KMT2E: variants seen among roughly 807,000 people sequenced by gnomAD.
KMT2E encodes the protein histone reader KMT2E.
A neutral mutation model predicts 184.6 loss-of-function variants in KMT2E; 30 were observed. The observed-to-expected ratio is 0.16, with a 90% confidence interval of 0.12 to 0.22. The LOEUF (loss-of-function observed/expected upper bound fraction) is 0.22. KMT2E is among the 10% of genes least tolerant of loss of function. KMT2E has a pLI of 1.00. For synonymous variants in KMT2E, 815 were observed against 776.5 expected, an observed-to-expected ratio of 1.05 and a Z score of -0.82; for missense variants, 2,023 against 2,237.4, an observed-to-expected ratio of 0.90 and a Z score of 1.93.
intron 3 of KMT2E, among the ~76,000 whole-genome samples, chr7:105,048,916 T>G (rs944427600): frequency 2.6e-5 from 4 of 152,230 alleles, no homozygotes; most frequent in Non-Finnish European, 5.9e-5. Flanking sequence ...AGAGTACTAT[T>G]TTTTCTCTGA....
At chr7:105,102,674 A>C (rs1255453418) in intron 17 of KMT2E, 1 of 154,182 alleles carries the variant, frequency 6.5e-6, no homozygotes. Context: ...CAATTACGGT[A>C]AACAGCCTGA....
intron 1 of KMT2E, among the ~76,000 whole-genome samples, chr7:105,017,913 A>G (rs1794785763): frequency 6.6e-6 from 1 of 152,054 alleles, no homozygotes; most frequent in African/African-American, 2.4e-5. Flanking sequence ...CTGCCCTACA[A>G]TTTTGGCTCG....
rs1451088248 is a variant in KMT2E, at chr7:105,112,424, C to T, written c.4668C>T (p.Tyr1556=). The T allele has an allele frequency of 6.2e-7, 1 of 1,612,904 alleles. No individual in the cohort carries two copies. The highest frequency in any genetic ancestry group is 8.5e-7 in the Non-Finnish European group (1 of 1,179,690). ...PPPPPPPSSS[Y]YQNQQPSANF... ...CTCCTCCACCTCCTTCTTCGTCTTA[C>T]TATCAAAACCAGCAGCCCTCTGCAA... Residue 1556 remains tyrosine, a synonymous_variant, in exon 27 of 27, where the codon TAC becomes TAT. Coordinates refer to ENST00000311117, the MANE Select transcript of KMT2E (RefSeq NM_182931.3).
At chr7:105,072,209 T>G (rs1797350822) in intron 6 of KMT2E, among the ~76,000 whole-genome samples, 1 of 151,964 alleles carries the variant, frequency 6.6e-6, no homozygotes, top group South Asian at 2.1e-4. Flanking sequence ...TCCCAGCTAC[T>G]TGGGAGGCTT....
intron 3 of KMT2E, among the ~76,000 whole-genome samples, chr7:105,048,516 C>T (rs182416442): frequency 2.0e-5 from 3 of 152,156 alleles, no homozygotes; most frequent in Non-Finnish European, 4.4e-5. Context: ...TTATAGCTAG[C>T]TCAGTTTCTC....
intron 22 of KMT2E, 113 bp from the exon 23 acceptor site, chr7:105,108,824 TTAAAA>T (rs1344020549): frequency 1.2e-6 from 1 of 824,172 alleles, no homozygotes; most frequent in Non-Finnish European, 1.8e-6. Context: ...TCAGAATCAA[TTAAAA>T]TAATTTTCCT....
chr7:105,107,503 G>A lies in KMT2E; in HGVS notation c.3046G>A (p.Glu1016Lys). 1 of 1,614,162 alleles carries A rather than the reference G, an allele frequency of 6.2e-7. No homozygotes were observed. The highest frequency in any genetic ancestry group is 2.2e-5 in the East Asian group (1 of 44,890). Residue 1016 changes from glutamate (E) to lysine (K), a missense_variant, in exon 22 of 27, where the codon GAA becomes AAA. Physicochemically the swap from Glu to Lys is moderately conservative, Grantham distance 56 (BLOSUM62 1). This residue lies in a region of KMT2E where 1,108 missense variants were observed against 1,050.9 expected (regional missense o/e 1.05). Coordinates refer to ENST00000311117, the MANE Select transcript of KMT2E (RefSeq NM_182931.3). ...RTEVNRQCPGEKEPVSDLQLG... is the reference protein window; with the variant it reads ...RTEVNRQCPGKKEPVSDLQLG... ...TGAAGTCAACAGGCAGTGTCCTGGA[G>A]AAAAGGAACCTGTGTCAGACCTTCA...
At chr7:105,035,866 C>A (rs184334512) in intron 1 of KMT2E, among the ~76,000 whole-genome samples, 3 of 152,188 alleles carry the variant, frequency 2.0e-5, no homozygotes, top group Admixed American at 2.0e-4. Context: ...GCCATAAACA[C>A]AAATTTTAGT....
intron 3 of KMT2E, among the ~76,000 whole-genome samples, chr7:105,042,580 T>C (rs1420014336): frequency 6.6e-6 from 1 of 152,186 alleles, no homozygotes; most frequent in African/African-American, 2.4e-5. Context: ...AAGGTAGAGT[T>C]AGGTTTGAAC....
chr7:105,075,852 A>G (rs1025068876), intron 8 of KMT2E, among the ~76,000 whole-genome samples, 191 bp from the exon 9 acceptor site: 2 of 152,112 alleles, frequency 1.3e-5, no homozygotes, highest in Non-Finnish European at 2.9e-5. Context: ...ACTCTCAACC[A>G]CATTCTGTTT....
rs766439897 is a variant in KMT2E, at chr7:105,107,543, C to G, written c.3086C>G (p.Ala1029Gly). 6.2e-7 allele frequency: 1 copy of G among 1,614,108 alleles called. No individual in the cohort carries two copies. The highest frequency in any genetic ancestry group is 1.1e-5 in the South Asian group (1 of 91,076). Residue 1029 changes from alanine to glycine, a missense_variant, in exon 22 of 27, where the codon GCA becomes GGA. By Grantham distance (60) the Ala-to-Gly change is moderately conservative. Coordinates refer to ENST00000311117, the MANE Select transcript of KMT2E (RefSeq NM_182931.3). ...PVSDLQLGLD[A>G]VEPTALHKTL... ...TCAGACCTTCAGCTAGGACTCGATG[C>G]AGTTGAGCCAACTGCCCTACATAAA...
chr7:105,032,983 T>C (rs1795489372), intron 1 of KMT2E, among the ~76,000 whole-genome samples: 1 of 152,244 alleles, frequency 6.6e-6, no homozygotes, highest in Admixed American at 6.5e-5. Context: ...CAAACAGTTC[T>C]TCAGGAAGCC....
intron 18 of KMT2E, 34 bp downstream of exon 18, chr7:105,105,727 G>A (rs574448819): frequency 1.5e-5 from 23 of 1,582,952 alleles, no homozygotes; most frequent in Non-Finnish European, 1.9e-5. Flanking sequence ...AATGTAGAAT[G>A]AGCCAAATGC....
chr7:105,110,776 G>A lies in KMT2E; in HGVS notation c.3976G>A (p.Asp1326Asn). 2 of 1,613,416 alleles carry A rather than the reference G, an allele frequency of 1.2e-6. No homozygotes were observed. The highest frequency in any genetic ancestry group is 1.3e-5 in the African/African-American group (1 of 75,000). ...PSFSELMEDP[D>N]PENPEPTTTN... Reference sequence around the variant, plus strand: ...AGGTTTCTTCTGCTTTATAGACCCTGATCCTGAAAATCCAGAACCCACAAC... The same window carrying A: ...AGGTTTCTTCTGCTTTATAGACCCTAATCCTGAAAATCCAGAACCCACAAC... Residue 1326 changes from aspartate to asparagine, a missense_variant, in exon 26 of 27, where the codon GAT (aspartate) becomes AAT (asparagine). By Grantham distance (23) the Asp-to-Asn change is conservative. Transcript: ENST00000311117.
intron 14 of KMT2E, among the ~76,000 whole-genome samples, 177 bp from the exon 15 acceptor site, chr7:105,091,039 T>G (rs1406832469): frequency 6.6e-6 from 1 of 152,214 alleles, no homozygotes; most frequent in African/African-American, 2.4e-5. Context: ...AGTATTTGAT[T>G]GCATAATTTT....
At chr7:105,089,083 A>G (rs1029201102) in intron 13 of KMT2E, 5 of 268,292 alleles carry the variant, frequency 1.9e-5, no homozygotes, top group African/African-American at 1.2e-4. Flanking sequence ...TGTAAACCAC[A>G]GTATCATTTT....
intron 17 of KMT2E, chr7:105,105,201 T>C (rs1325553412): frequency 2.8e-6 from 1 of 357,104 alleles, no homozygotes; most frequent in African/African-American, 2.1e-5. Context: ...GTAATATAAA[T>C]ATTTAAAAAG....
Position 105,091,313 on chromosome 7 carries a change from T to C in KMT2E, c.1721T>C (p.Met574Thr). The C allele has an allele frequency of 6.3e-7, 1 of 1,580,146 alleles. No homozygotes were observed. The highest frequency in any genetic ancestry group is 8.7e-7 in the Non-Finnish European group (1 of 1,149,236). ...CAGATTGCAGAAAGGAAAAGGAAGA[T>C]GGTAAGTTGGGAAGCCAGTAGTTTG... ...EEQIAERKRK[M>T]TREERKMEAI... Residue 574 changes from methionine to threonine, a missense_variant and splice_region_variant, in exon 15 of 27, where the codon ATG (methionine) becomes ACG (threonine). By Grantham distance (81) the Met-to-Thr change is moderately conservative. This residue lies in a region of KMT2E where 514 missense variants were observed against 621.8 expected (regional missense o/e 0.83). Coordinates refer to ENST00000311117, the MANE Select transcript of KMT2E (RefSeq NM_182931.3).
chr7:105,031,487 C>T (rs1795414209), intron 1 of KMT2E, among the ~76,000 whole-genome samples: 1 of 151,974 alleles, frequency 6.6e-6, no homozygotes, highest in Non-Finnish European at 1.5e-5. Context: ...CACGGTGGCT[C>T]ATGCCTGTAA....
Sources: allele counts gnomAD v4.1 joint callset (sites outside exome capture counted in the v4.1 genomes callset), GRCh38; gene constraint gnomAD v4.1.1; regional missense constraint gnomAD v4.1.1; transcripts MANE v1.5; gene names NCBI Gene and HGNC (gene_info 2026-07-23, HGNC 2026-07-21).